IQCM: variants seen among roughly 807,000 people sequenced by gnomAD.
The protein encoded by IQCM is IQ domain-containing protein M.
Under a neutral mutation model 57.6 loss-of-function variants are expected in IQCM, and 45 were observed. The ratio of observed to expected loss-of-function variants is 0.78; its 90% CI spans 0.62 to 1.00. The LOEUF (loss-of-function observed/expected upper bound fraction) is 1.00. Ranked by LOEUF, IQCM falls within the 50% of genes least tolerant of loss-of-function variation. The pLI, the probability that IQCM is intolerant of heterozygous loss-of-function variation, is 0.00. For missense variants in IQCM, 468 were observed against 511.6 expected (o/e 0.91, Z 0.82); for synonymous variants, 148 against 158.9 (o/e 0.93, Z 0.51).
intron 7 of IQCM, among the ~76,000 whole-genome samples, chr4:149,630,989 C>T (rs1485938160): frequency 6.6e-6 from 1 of 152,124 alleles, no homozygotes; most frequent in Non-Finnish European, 1.5e-5. Flanking sequence ...AAGGGTGTCT[C>T]ACTATACCCA....
intron 3 of IQCM, 52 bp from the exon 4 acceptor site, chr4:149,735,510 T>C: frequency 1.3e-6 from 1 of 790,654 alleles, no homozygotes; most frequent in Non-Finnish European, 1.7e-6. Context: ...GAAAGTAAAT[T>C]TTACAAGTTG....
intron 8 of IQCM, among the ~76,000 whole-genome samples, chr4:149,599,119 G>A (rs770866498): frequency 3.3e-5 from 5 of 152,104 alleles, no homozygotes; most frequent in Non-Finnish European, 7.4e-5. Flanking sequence ...ATAAAAGAAT[G>A]CTTGTAGCAG....
At chr4:149,508,188 C>A (rs1306134152) in intron 12 of IQCM, among the ~76,000 whole-genome samples, 1 of 152,060 alleles carries the variant, frequency 6.6e-6, no homozygotes, top group African/African-American at 2.4e-5. Context: ...TCTGCTAAGG[C>A]TGTATGGAAA....
intron 12 of IQCM, among the ~76,000 whole-genome samples, chr4:149,505,423 AG>A (rs1406533425): frequency 6.6e-6 from 1 of 152,206 alleles, no homozygotes; most frequent in Non-Finnish European, 1.5e-5. Flanking sequence ...ACCAAATTAA[AG>A]GCTCTGAAAA....
rs568587082 is a variant in IQCM at position 149,467,455 on chromosome 4, C to A, written c.1229-33898G>T. On this transcript the variant is annotated intron_variant, in intron 12 of 13. Transcript: ENST00000636793. ...ATCCATGTACAAAATTGGCAAAGAT[C>A]CCTGTTGTGAAATGCAGACAATAAA... is the stretch of plus-strand genomic sequence containing the variant. 4.8e-4 allele frequency among the ~76,000 whole-genome samples: 73 copies of A among 152,206 alleles called. 1 individual carries two copies. In the South Asian group the frequency reaches 0.015, roughly 32 times the overall value.
At chr4:149,652,141 G>A (rs1352709380) in intron 7 of IQCM, among the ~76,000 whole-genome samples, 1 of 152,172 alleles carries the variant, frequency 6.6e-6, no homozygotes, top group African/African-American at 2.4e-5. Context: ...ATGAGTTCAT[G>A]TCCTCTGTAG....
intron 12 of IQCM, among the ~76,000 whole-genome samples, chr4:149,489,959 A>G (rs868524146): frequency 2.0e-5 from 3 of 152,130 alleles, no homozygotes; most frequent in Middle Eastern, 3.4e-3. Flanking sequence ...GGTTAAATAC[A>G]AACATCAATA....
At chr4:149,381,434 T>C (rs1404261203) in intron 13 of IQCM, among the ~76,000 whole-genome samples, 11 of 152,114 alleles carry the variant, frequency 7.2e-5, no homozygotes, top group Admixed American at 7.2e-4. Context: ...TTTCACTGTC[T>C]AACCTCACCT....
intron 13 of IQCM, among the ~76,000 whole-genome samples, chr4:149,432,438 T>C (rs866828597): frequency 3.3e-5 from 5 of 152,002 alleles, no homozygotes; most frequent in African/African-American, 4.8e-5. Flanking sequence ...GGAAAGTTTG[T>C]GATATCAAAG....
rs537205206 is a variant in IQCM, at chr4:149,783,108, CATCT to C, written c.-49+32199_-49+32202del. Reference sequence around the variant, plus strand: ...AGAACTCTCCCCTGTACTCCACATTCATCTATCTAACTACTTTCTCCACATCTCC... The same window carrying C: ...AGAACTCTCCCCTGTACTCCACATTCATCTAACTACTTTCTCCACATCTCC... On this transcript the variant is annotated intron_variant, in intron 2 of 13. Transcript: ENST00000636793. Among the ~76,000 whole-genome samples the C allele has an allele frequency of 4.1e-4, 62 of 152,314 alleles. No individual in the cohort carries two copies. The South Asian group carries it at 6.0e-3, about 15-fold the overall frequency.
intron 12 of IQCM, among the ~76,000 whole-genome samples, chr4:149,540,255 G>A (rs779093903): frequency 8.7e-5 from 13 of 149,458 alleles, no homozygotes; most frequent in East Asian, 2.0e-4. Flanking sequence ...TTAGAACTAC[G>A]AGACACTAAA....
At chr4:149,473,724 C>G (rs557427602) in intron 12 of IQCM, among the ~76,000 whole-genome samples, 1 of 152,186 alleles carries the variant, frequency 6.6e-6, no homozygotes, top group Non-Finnish European at 1.5e-5. Context: ...TGGAACCAAC[C>G]CAAATGTCCA....
At chr4:149,397,014 G>A (rs1358904791) in intron 13 of IQCM, among the ~76,000 whole-genome samples, 1 of 151,928 alleles carries the variant, frequency 6.6e-6, no homozygotes, top group East Asian at 1.9e-4. Context: ...ACATAAGAAT[G>A]CTCATATCTT....
intron 13 of IQCM, among the ~76,000 whole-genome samples, chr4:149,381,442 C>T (rs187298885): frequency 6.6e-6 from 1 of 152,068 alleles, no homozygotes; most frequent in Non-Finnish European, 1.5e-5. Context: ...TCTAACCTCA[C>T]CTCCAACTAT....
chr4:149,674,274 G>T (rs754141083), intron 7 of IQCM, among the ~76,000 whole-genome samples: 1 of 151,976 alleles, frequency 6.6e-6, no homozygotes, highest in East Asian at 1.9e-4. Flanking sequence ...TATGATAATT[G>T]GTACAACACT....
At chr4:149,501,303 G>C (rs1743216224) in intron 12 of IQCM, among the ~76,000 whole-genome samples, 1 of 152,144 alleles carries the variant, frequency 6.6e-6, no homozygotes, top group African/African-American at 2.4e-5. Flanking sequence ...AGATGGTTCT[G>C]TCTGGAAGAA....
chr4:149,588,076 CTGTTA>C (rs916309851), intron 8 of IQCM, 79 bp from the exon 9 acceptor site: 4 of 507,324 alleles, frequency 7.9e-6, no homozygotes, highest in South Asian at 1.0e-4. Flanking sequence ...CATTGACGTT[CTGTTA>C]TATTATCAAA....
chr4:149,805,465 G>A (rs540614616), intron 2 of IQCM, among the ~76,000 whole-genome samples: 1 of 152,050 alleles, frequency 6.6e-6, no homozygotes, highest in South Asian at 2.1e-4. Flanking sequence ...AAACCAAGAG[G>A]AACAAACATC....
At chr4:149,443,600 T>C (rs1736185354) in intron 12 of IQCM, among the ~76,000 whole-genome samples, 1 of 151,394 alleles carries the variant, frequency 6.6e-6, no homozygotes, top group African/African-American at 2.4e-5. Context: ...TACTAAGTCT[T>C]GTTAAAATAG....
Sources: allele counts gnomAD v4.1 joint callset (sites outside exome capture counted in the v4.1 genomes callset), GRCh38; gene constraint gnomAD v4.1.1; transcripts MANE v1.5; gene names NCBI Gene and HGNC (gene_info 2026-07-23, HGNC 2026-07-21).